The following TAFA5 variants were observed in gnomAD, a reference collection of about 807,000 sequenced individuals.
TAFA5 encodes chemokine-like protein TAFA-5.
TAFA5 carries 6 observed loss-of-function variants against 15.3 expected under a neutral mutation model. That is an observed-to-expected ratio of 0.39 (90% confidence interval 0.21 to 0.77). The LOEUF (loss-of-function observed/expected upper bound fraction) is 0.77. TAFA5 is among the 30% of genes least tolerant of loss of function. TAFA5 has a pLI of 0.41. For missense variants in TAFA5, 161 were observed against 193.1 expected, an observed-to-expected ratio of 0.83 and a Z score of 0.98; for synonymous variants, 103 against 80.7, an observed-to-expected ratio of 1.28 and a Z score of -1.48.
intron 1 of TAFA5, among the ~76,000 whole-genome samples, chr22:48,585,215 ACAG>A (rs1471341024): frequency 2.2e-5 from 2 of 89,684 alleles, no homozygotes; most frequent in Admixed American, 2.4e-4. Context: ...CCACACACAC[ACAG>A]AAACCCACAA....
chr22:48,599,400 C>T (rs545096583), intron 1 of TAFA5, among the ~76,000 whole-genome samples: 9 of 152,354 alleles, frequency 5.9e-5, no homozygotes, highest in Middle Eastern at 3.4e-3. Flanking sequence ...GTTACTGCTT[C>T]GCATCGTTTG....
intron 1 of TAFA5, among the ~76,000 whole-genome samples, chr22:48,499,851 A>G (rs1005767779): frequency 2.6e-5 from 4 of 151,922 alleles, no homozygotes; most frequent in Non-Finnish European, 4.4e-5. Flanking sequence ...TGGGGCGTGG[A>G]GTGTGCTTCT....
At chr22:48,535,629 CAT>C (rs1260111497) in intron 1 of TAFA5, among the ~76,000 whole-genome samples, 3 of 151,224 alleles carry the variant, frequency 2.0e-5, no homozygotes, top group African/African-American at 7.3e-5. Context: ...CACACCGGCA[CAT>C]GTGATGAGCA....
In TAFA5 at chr22:48,689,021, A is replaced by G. The variant is rs372667744; in HGVS notation, c.263-18696A>G. On this transcript the variant is annotated intron_variant, in intron 2 of 3. Coordinates refer to ENST00000402357, the MANE Select transcript of TAFA5 (RefSeq NM_001082967.3). ...AAAAAAAAAAAAAAAAGAGAGAGAAAACCTTTGTTGATGTGCTGCAGTTTA... is the reference window on the plus strand; with the variant it reads ...AAAAAAAAAAAAAAAAGAGAGAGAAGACCTTTGTTGATGTGCTGCAGTTTA... 8.4e-3 allele frequency among the ~76,000 whole-genome samples: 1,264 copies of G among 149,932 alleles called. 23 individuals are homozygous for G. Among genetic ancestry groups the G allele is most frequent in the African/African-American group, 0.029 (1,188 of 40,628 alleles).
chr22:48,659,179 C>G (rs559101220), intron 2 of TAFA5, among the ~76,000 whole-genome samples: 1 of 152,378 alleles, frequency 6.6e-6, no homozygotes, highest in Non-Finnish European at 1.5e-5. Flanking sequence ...CTGCCTCACT[C>G]TGGGCCCTCG....
At position 48,538,459 on chromosome 22, in the gene TAFA5, C is replaced by T. The variant is rs940775290; in HGVS notation, c.112+48755C>T. ...CCTTGAGCCCTTCAGGATACAGTAT[C>T]GTCCATGTGGAACTTCGGAGGGCAG... is the stretch of plus-strand genomic sequence containing the variant. On this transcript the variant is annotated intron_variant, in intron 1 of 3. Coordinates refer to ENST00000402357, the MANE Select transcript of TAFA5 (RefSeq NM_001082967.3). 9.2e-5 allele frequency among the ~76,000 whole-genome samples: 14 copies of T among 152,332 alleles called. No homozygotes were observed. The East Asian group carries it at 9.6e-4, about 10-fold the overall frequency.
intron 3 of TAFA5, among the ~76,000 whole-genome samples, chr22:48,730,437 T>C: frequency 6.6e-6 from 1 of 152,120 alleles, no homozygotes; most frequent in East Asian, 1.9e-4. Context: ...GGAGCCAACA[T>C]GAGCAACAAA....
At chr22:48,529,288 T>G (rs1601557580) in intron 1 of TAFA5, among the ~76,000 whole-genome samples, 2 of 33,980 alleles carry the variant, frequency 5.9e-5, no homozygotes, top group East Asian at 7.1e-4. Flanking sequence ...AGACAGGAGA[T>G]GGGGGTGTCC....
At chr22:48,557,441 G>A (rs1923079787) in intron 1 of TAFA5, among the ~76,000 whole-genome samples, 1 of 152,202 alleles carries the variant, frequency 6.6e-6, no homozygotes, top group Non-Finnish European at 1.5e-5. Context: ...GAGGACATGA[G>A]TTTCTGCCCT....
At chr22:48,554,062 C>T (rs927123865) in intron 1 of TAFA5, among the ~76,000 whole-genome samples, 1 of 152,248 alleles carries the variant, frequency 6.6e-6, no homozygotes, top group African/African-American at 2.4e-5. Flanking sequence ...AACCCAGGTC[C>T]TCGGGCGGCC....
chr22:48,627,438 G>T (rs1195432369), intron 1 of TAFA5, among the ~76,000 whole-genome samples: 1 of 152,264 alleles, frequency 6.6e-6, no homozygotes. Context: ...TGCAGGCTGG[G>T]CCAGTGCCAG....
intron 1 of TAFA5, among the ~76,000 whole-genome samples, chr22:48,637,580 C>T (rs1008264132): frequency 2.6e-5 from 4 of 152,188 alleles, no homozygotes; most frequent in African/African-American, 7.2e-5. Context: ...GGTCATGAGG[C>T]GGCCTTGCCA....
At chr22:48,493,314 C>T (rs1267621475) in intron 1 of TAFA5, among the ~76,000 whole-genome samples, 1 of 152,162 alleles carries the variant, frequency 6.6e-6, no homozygotes, top group Non-Finnish European at 1.5e-5. Flanking sequence ...AAATAAATCC[C>T]GTCAATATTG....
chr22:48,675,212 G>A (rs1042742295), intron 2 of TAFA5, among the ~76,000 whole-genome samples: 2 of 152,220 alleles, frequency 1.3e-5, no homozygotes, highest in Non-Finnish European at 2.9e-5. Context: ...AAGCTCTGTG[G>A]CCTTTTAAGA....
chr22:48,536,459 G>A (rs1295977655), intron 1 of TAFA5, among the ~76,000 whole-genome samples: 2 of 152,214 alleles, frequency 1.3e-5, no homozygotes, highest in South Asian at 2.1e-4. Context: ...GGTGGGTAAC[G>A]AGCGCGCACC....
At chr22:48,635,473 A>G (rs1274059997) in intron 1 of TAFA5, among the ~76,000 whole-genome samples, 1 of 152,196 alleles carries the variant, frequency 6.6e-6, no homozygotes, top group African/African-American at 2.4e-5. Flanking sequence ...AGAACCTTCC[A>G]GCAGCAGCTC....
At chr22:48,672,150 G>A (rs559066727) in intron 2 of TAFA5, among the ~76,000 whole-genome samples, 1 of 152,344 alleles carries the variant, frequency 6.6e-6, no homozygotes, top group South Asian at 2.1e-4. Context: ...TCTGAACTCT[G>A]AGTGTCAACA....
chr22:48,576,546 G>C, intron 1 of TAFA5: 1 of 1,517,576 alleles, frequency 6.6e-7, no homozygotes, highest in South Asian at 1.3e-5. Flanking sequence ...TCGTCCTAGT[G>C]ATCCACGCGC....
intron 2 of TAFA5, among the ~76,000 whole-genome samples, chr22:48,672,772 GCT>G (rs1328872107): frequency 1.3e-5 from 2 of 152,172 alleles, no homozygotes; most frequent in African/African-American, 4.8e-5. Flanking sequence ...TTCAGATTTA[GCT>G]CAGGGAATTT....
Sources: allele counts gnomAD v4.1 joint callset (sites outside exome capture counted in the v4.1 genomes callset), GRCh38; gene constraint gnomAD v4.1.1; transcripts MANE v1.5; gene names NCBI Gene and HGNC (gene_info 2026-07-23, HGNC 2026-07-21).